Variants in GALNT17 observed in about 807,000 individuals in gnomAD.
The protein encoded by GALNT17 is polypeptide N-acetylgalactosaminyltransferase 17, also known as UDP-GalNAc:polypeptide N-acetylgalactosaminyltransferase-like 3.
A neutral mutation model predicts 63.7 loss-of-function variants in GALNT17; 29 were observed. That is an observed-to-expected ratio of 0.46 (90% CI 0.34 to 0.62). The LOEUF (loss-of-function observed/expected upper bound fraction) is 0.62. Among genes scored for constraint, GALNT17 ranks in the 20% least tolerant of loss-of-function variants. The probability of loss-of-function intolerance (pLI) is 0.01; values close to 1 mark genes in which losing one functional copy is unlikely to be tolerated. For missense variants in GALNT17, 603 were observed against 799.6 expected, an observed-to-expected ratio of 0.75 and a Z score of 2.97; for synonymous variants, 305 against 318.3, an observed-to-expected ratio of 0.96 and a Z score of 0.45.
intron 1 of GALNT17, among the ~76,000 whole-genome samples, chr7:71,298,972 A>G (rs953944769): frequency 1.3e-5 from 2 of 152,188 alleles, no homozygotes; most frequent in African/African-American, 2.4e-5. Context: ...GGGTTTTTGC[A>G]CTAGTGACTG....
chr7:71,292,177 A>G (rs1240407678), intron 1 of GALNT17, among the ~76,000 whole-genome samples: 3 of 152,214 alleles, frequency 2.0e-5, no homozygotes, highest in Non-Finnish European at 4.4e-5. Context: ...AGCTGAATTA[A>G]CAAGTCTAGA....
chr7:71,230,576 G>A (rs1458679914), intron 1 of GALNT17, among the ~76,000 whole-genome samples: 1 of 152,234 alleles, frequency 6.6e-6, no homozygotes, highest in Non-Finnish European at 1.5e-5. Flanking sequence ...AGGCCGGCAT[G>A]GTGAGTGGTT....
At chr7:71,261,997 C>T (rs1023768974) in intron 1 of GALNT17, among the ~76,000 whole-genome samples, 1 of 152,112 alleles carries the variant, frequency 6.6e-6, no homozygotes, top group African/African-American at 2.4e-5. Flanking sequence ...TCTTGGGCAC[C>T]CCGATTACCT....
intron 5 of GALNT17, among the ~76,000 whole-genome samples, chr7:71,473,796 A>G (rs1311765910): frequency 1.3e-5 from 2 of 152,158 alleles, no homozygotes; most frequent in East Asian, 3.9e-4. Context: ...TATAATCTGT[A>G]AAATGGGGAC....
At position 71,610,903 on chromosome 7, in the gene GALNT17, T is replaced by A. The variant is rs150579074; in HGVS notation, c.1080+39501T>A. On this transcript the variant is annotated intron_variant, in intron 6 of 10. Transcript: ENST00000333538. ...CAGGAGGCTGAGGCAGGAGAATCCCTTGAATTTGGAAGGCGGAGGTTGCAG... is the reference window on the plus strand; with the variant it reads ...CAGGAGGCTGAGGCAGGAGAATCCCATGAATTTGGAAGGCGGAGGTTGCAG... Among the ~76,000 whole-genome samples, 190 of 151,444 alleles carry A rather than the reference T, an allele frequency of 1.3e-3. 1 individual carries two copies. The highest frequency in any genetic ancestry group is 4.5e-3 in the African/African-American group (185 of 41,256).
chr7:71,336,136 T>C (rs1379333874), intron 2 of GALNT17, among the ~76,000 whole-genome samples: 2 of 151,046 alleles, frequency 1.3e-5, no homozygotes, highest in African/African-American at 2.4e-5. Context: ...CCTCCGCCTT[T>C]TGGGGTTTAG....
intron 1 of GALNT17, among the ~76,000 whole-genome samples, chr7:71,234,394 T>G (rs1045769727): frequency 6.6e-6 from 1 of 152,132 alleles, no homozygotes; most frequent in African/African-American, 2.4e-5. Context: ...CCCAAGTAGC[T>G]AGATTACAGG....
chr7:71,448,131 T>A (rs1320477416), intron 5 of GALNT17, among the ~76,000 whole-genome samples: 1 of 152,226 alleles, frequency 6.6e-6, no homozygotes, highest in Non-Finnish European at 1.5e-5. Flanking sequence ...TATTCCATTG[T>A]CTTCTTACTT....
intron 1 of GALNT17, among the ~76,000 whole-genome samples, chr7:71,180,806 G>A (rs1252351518): frequency 6.6e-6 from 1 of 152,142 alleles, no homozygotes; most frequent in African/African-American, 2.4e-5. Flanking sequence ...GCATTTGGAT[G>A]GTGTGCATGA....
intron 5 of GALNT17, among the ~76,000 whole-genome samples, chr7:71,526,039 C>T (rs1345988771): frequency 2.6e-5 from 4 of 152,062 alleles, no homozygotes; most frequent in African/African-American, 9.7e-5. Context: ...CACGCCCGGC[C>T]TCGAGTATGT....
chr7:71,308,406 T>C (rs117410595), intron 1 of GALNT17, among the ~76,000 whole-genome samples: 2,185 of 152,220 alleles, frequency 0.014, 24 homozygotes, highest in Middle Eastern at 0.027. Flanking sequence ...AAAAGAGGCA[T>C]TGGGGCTGAT....
At chr7:71,193,974 T>C (rs961269189) in intron 1 of GALNT17, among the ~76,000 whole-genome samples, 8 of 152,228 alleles carry the variant, frequency 5.3e-5, no homozygotes, top group African/African-American at 1.9e-4. Flanking sequence ...CAAGCATTCT[T>C]GTATTCACTG....
chr7:71,644,661 G>A (rs1790651151), intron 6 of GALNT17, among the ~76,000 whole-genome samples: 1 of 151,996 alleles, frequency 6.6e-6, no homozygotes, highest in African/African-American at 2.4e-5. Flanking sequence ...TGAGACAGGA[G>A]GATTGCTTAA....
intron 1 of GALNT17, among the ~76,000 whole-genome samples, chr7:71,261,005 C>T (rs938114035): frequency 6.6e-5 from 10 of 152,204 alleles, no homozygotes; most frequent in African/African-American, 2.2e-4. Flanking sequence ...CACACCGGCT[C>T]ATCCTCCTGA....
chr7:71,530,373 A>G (rs940636099), intron 5 of GALNT17, among the ~76,000 whole-genome samples: 8 of 152,196 alleles, frequency 5.3e-5, no homozygotes, highest in Middle Eastern at 3.4e-3. Context: ...TACTTCTCCT[A>G]AAGACTTTTA....
chr7:71,453,548 C>T (rs1178852794), intron 5 of GALNT17, among the ~76,000 whole-genome samples: 2 of 152,134 alleles, frequency 1.3e-5, no homozygotes, highest in African/African-American at 2.4e-5. Context: ...GGAAACTTCC[C>T]CCATGATTTA....
chr7:71,311,764 A>C (rs1025098522), intron 1 of GALNT17, among the ~76,000 whole-genome samples: 1 of 152,350 alleles, frequency 6.6e-6, no homozygotes, highest in South Asian at 2.1e-4. Flanking sequence ...TACACCATGC[A>C]GTTGCTCACC....
chr7:71,541,275 G>A (rs1369682096), intron 5 of GALNT17, among the ~76,000 whole-genome samples: 2 of 150,424 alleles, frequency 1.3e-5, no homozygotes, highest in Non-Finnish European at 2.9e-5. Flanking sequence ...TATGATGGGT[G>A]GCCTGGCCTT....
chr7:71,290,599 A>G (rs907720617), intron 1 of GALNT17, among the ~76,000 whole-genome samples: 1 of 152,182 alleles, frequency 6.6e-6, no homozygotes, highest in Non-Finnish European at 1.5e-5. Context: ...TAAAACAGGC[A>G]GGGAGCCAAG....
Sources: gnomAD v4.1 joint callset for allele counts (sites outside exome capture counted in the v4.1 genomes callset) on GRCh38, gnomAD v4.1.1 for gene constraint, MANE v1.5 for transcripts, NCBI Gene and HGNC (gene_info 2026-07-23, HGNC 2026-07-21) for gene names.